The following EP300 variants were observed in gnomAD, a reference collection of about 807,000 sequenced individuals.
EP300 encodes the protein histone acetyltransferase p300.
In EP300, 31 loss-of-function variants were observed where a neutral mutation model predicts 264.0. The ratio of observed to expected loss-of-function variants is 0.12; its 90% CI spans 0.09 to 0.16. The LOEUF is 0.16. Among genes scored for constraint, EP300 ranks in the 10% least tolerant of loss-of-function variants. The pLI is 1.00. For missense variants in EP300, 2,766 were observed against 3,052.9 expected (o/e 0.91, Z 2.21); for synonymous variants, 1,340 against 1,045.4 (o/e 1.28, Z -5.44).
intron 10 of EP300, among the ~76,000 whole-genome samples, chr22:41,144,583 C>T (rs570311969): frequency 6.6e-6 from 1 of 151,874 alleles, no homozygotes; most frequent in Non-Finnish European, 1.5e-5. Flanking sequence ...TCTCGAACTC[C>T]TGAGCTCAAG....
rs750964785 is a variant in EP300, at chr22:41,173,592, AT to A, written c.4618-27del. ...TCCCAAATTACTTAACAAAAACCTT[AT>A]TTTCTTGTCTCCTTTGTGCTACTCT... On this transcript the variant is annotated intron_variant, in intron 28 of 30. Transcript: ENST00000263253. 4 of 1,613,032 alleles carry A rather than the reference AT, an allele frequency of 2.5e-6. No homozygotes were observed. The Admixed American group carries it at 5.0e-5, about 20-fold the overall frequency.
chr22:41,112,706 A>AT (rs60079928), intron 1 of EP300, among the ~76,000 whole-genome samples: 4 of 149,594 alleles, frequency 2.7e-5, no homozygotes, highest in Admixed American at 1.3e-4. Context: ...TAATTTTTAT[A>AT]TTGTTTTTTT....
chr22:41,138,167 G>A (rs2058962752), intron 8 of EP300, among the ~76,000 whole-genome samples: 2 of 152,016 alleles, frequency 1.3e-5, no homozygotes, highest in Admixed American at 1.3e-4. Context: ...TAGAGCAGGG[G>A]TTTTTTGTTT....
intron 10 of EP300, among the ~76,000 whole-genome samples, chr22:41,143,108 T>C (rs1167742352): frequency 6.6e-6 from 1 of 152,138 alleles, no homozygotes; most frequent in Non-Finnish European, 1.5e-5. Flanking sequence ...AATCTGACAT[T>C]TTGTAGAATG....
intron 27 of EP300, 121 bp from the exon 28 acceptor site, chr22:41,172,378 G>C: frequency 1.1e-6 from 1 of 901,126 alleles, no homozygotes; most frequent in Non-Finnish European, 1.7e-6. Context: ...TAGGTATAAA[G>C]TCTCTGCCAG....
chr22:41,151,453 T>G lies in EP300; in HGVS notation c.2818-380T>G, dbSNP rs545463310. ...TTTATTGTCTCCTTTTCTGTACCTTTGAAACTTTCTCTGGTGAGAAGGTAA... is the reference window on the plus strand; with the variant it reads ...TTTATTGTCTCCTTTTCTGTACCTTGGAAACTTTCTCTGGTGAGAAGGTAA... On this transcript the variant is annotated intron_variant, in intron 14 of 30. Transcript: ENST00000263253. 2.4e-4 allele frequency among the ~76,000 whole-genome samples: 36 copies of G among 152,336 alleles called. No homozygotes were observed. In the Middle Eastern group the frequency reaches 0.01, roughly 43 times the overall value.
intron 14 of EP300, among the ~76,000 whole-genome samples, chr22:41,150,967 T>C (rs1226108553): frequency 1.3e-5 from 2 of 152,008 alleles, no homozygotes; most frequent in East Asian, 1.9e-4. Context: ...GAGAGAATTA[T>C]AGACCCAGAA....
At chr22:41,133,083 A>G (rs1335649805) in intron 6 of EP300, among the ~76,000 whole-genome samples, 4 of 151,990 alleles carry the variant, frequency 2.6e-5, no homozygotes, top group Admixed American at 6.5e-5. Context: ...GTCTTAAGCA[A>G]TCCTCCTGCC....
At position 41,149,034 on chromosome 22, in the gene EP300, TCA is replaced by T; in HGVS notation, c.2242-3_2242-2del. ...TGGTGATTTGTGTTTTTTTTTTTTT[TCA>T]GCCTATGGGCTATGGGCCTCGTATG... On this transcript the variant is annotated splice_acceptor_variant and splice_polypyrimidine_tract_variant and intron_variant, in intron 12 of 30. Coordinates refer to ENST00000263253, the MANE Select transcript of EP300 (RefSeq NM_001429.4). LOFTEE classifies it high-confidence loss of function. The T allele has an allele frequency of 6.2e-7, 1 of 1,612,994 alleles. No homozygotes were observed. Among genetic ancestry groups the T allele is most frequent in the Admixed American group, 1.7e-5 (1 of 59,924 alleles).
Position 41,177,608 on chromosome 22 carries a change from G to A in EP300, c.5897G>A (p.Gly1966Asp), listed in dbSNP as rs1165191542. ...CCGATGACTCCCATGGCCCCCATGG[G>A]TATGAACCCACCTCCCATGACCAGA... ...MPPMTPMAPM[G>D]MNPPPMTRGP... The change falls in exon 31 of 31, where the codon GGT becomes GAT. Residue 1966 changes from glycine (G) to aspartate (D), a missense_variant. By Grantham distance (94) the Gly-to-Asp change is moderately conservative. Transcript: ENST00000263253. 3.7e-6 allele frequency: 6 copies of A among 1,614,116 alleles called. No homozygotes were observed. Among genetic ancestry groups the A allele is most frequent in the Non-Finnish European group, 5.1e-6 (6 of 1,180,026 alleles).
chr22:41,109,775 T>C (rs2058778528), intron 1 of EP300, among the ~76,000 whole-genome samples: 1 of 151,316 alleles, frequency 6.6e-6, no homozygotes, highest in Non-Finnish European at 1.5e-5. Flanking sequence ...TTTTGGAGCT[T>C]CTGAGACCCA....
At chr22:41,166,173 A>G (rs5751056) in intron 22 of EP300, among the ~76,000 whole-genome samples, 122,242 of 152,216 alleles carry the variant, frequency 0.8, 50,065 homozygotes, top group East Asian at 1. Flanking sequence ...TACTTGGTTG[A>G]TGAACAAGTT....
chr22:41,097,761 A>C (rs934101158), intron 1 of EP300, among the ~76,000 whole-genome samples: 6 of 152,176 alleles, frequency 3.9e-5, no homozygotes, highest in African/African-American at 1.4e-4. Context: ...TAATGGGCAA[A>C]TGAAACCAAT....
intron 11 of EP300, 106 bp downstream of exon 11, chr22:41,146,922 T>C: frequency 2.1e-6 from 2 of 972,220 alleles, no homozygotes; most frequent in Non-Finnish European, 1.6e-6. Context: ...AGTGTCATGA[T>C]TACCTGCCCA....
At chr22:41,148,608 A>T (rs1470195007) in intron 12 of EP300, among the ~76,000 whole-genome samples, 1 of 152,186 alleles carries the variant, frequency 6.6e-6, no homozygotes, top group Non-Finnish European at 1.5e-5. Flanking sequence ...ATGCTACCAG[A>T]TTCTGCTACA....
intron 1 of EP300, among the ~76,000 whole-genome samples, chr22:41,096,195 C>A (rs897711113): frequency 6.6e-6 from 1 of 152,024 alleles, no homozygotes; most frequent in Admixed American, 6.6e-5. Flanking sequence ...CACTTGTAAA[C>A]TTTTTTTGTA....
chr22:41,120,508 A>T (rs2058846187), intron 2 of EP300, among the ~76,000 whole-genome samples: 1 of 152,220 alleles, frequency 6.6e-6, no homozygotes, highest in African/African-American at 2.4e-5. Flanking sequence ...TGATGACTGT[A>T]ACCCTGTTGG....
intron 1 of EP300, among the ~76,000 whole-genome samples, chr22:41,116,544 CT>C (rs2058822569): frequency 6.6e-6 from 1 of 152,096 alleles, no homozygotes; most frequent in South Asian, 2.1e-4. Context: ...TGAACTCATC[CT>C]TTTTTATGGC....
At chr22:41,146,460 C>T (rs896869499) in intron 10 of EP300, 18 of 422,170 alleles carry the variant, frequency 4.3e-5, no homozygotes, top group Non-Finnish European at 3.5e-5. Context: ...AGCCACTGTG[C>T]CTGGCCTATA....
Sources: allele counts gnomAD v4.1 joint callset (sites outside exome capture counted in the v4.1 genomes callset), GRCh38; gene constraint gnomAD v4.1.1; transcripts MANE v1.5; gene names NCBI Gene and HGNC (gene_info 2026-07-23, HGNC 2026-07-21).